Variants in SCNN1D observed in about 807,000 individuals in gnomAD.
SCNN1D encodes the protein epithelial sodium channel subunit delta.
In SCNN1D, 104 loss-of-function variants were observed where a neutral mutation model predicts 87.8. The ratio of observed to expected loss-of-function variants is 1.18; its 90% CI spans 1.01 to 1.39. The LOEUF is 1.39. Among genes scored for constraint, SCNN1D ranks in the 40% most tolerant of loss-of-function variants. SCNN1D has a pLI of 0.00. For missense variants in SCNN1D, 1,324 were observed against 1,093.9 expected, an observed-to-expected ratio of 1.21 and a Z score of -2.97; for synonymous variants, 628 against 481.2, an observed-to-expected ratio of 1.31 and a Z score of -3.99.
At position 1,291,346 on chromosome 1, in the gene SCNN1D, C is replaced by G. The variant is rs969238319; in HGVS notation, c.2145C>G (p.Leu715=). The stretch of plus-strand genomic sequence containing the variant: ...TCCTGGAGCTCCTGGAGCTGCTGCT[C>G]GATGCTTCTGCCCTCACCCTGGTGC... ...LSLLELLELL[L]DASALTLVLG... is the part of the protein sequence containing the mutation. The change falls in exon 18 of 18, where the codon CTC becomes CTG. Residue 715 remains leucine, a synonymous_variant. Transcript: ENST00000379116. 5.6e-6 allele frequency: 9 copies of G among 1,606,114 alleles called. No individual in the cohort carries two copies. Among genetic ancestry groups the G allele is most frequent in the Admixed American group, 1.7e-5 (1 of 59,034 alleles).
In SCNN1D at chr1:1,285,964, A is replaced by G. The variant is rs770060275; in HGVS notation, c.597A>G (p.Ser199=). 5.1e-6 allele frequency: 8 copies of G among 1,559,930 alleles called. No individual in the cohort carries two copies. The highest frequency in any genetic ancestry group is 1.8e-5 in the Admixed American group (1 of 54,768). The change falls in exon 7 of 18, where the codon TCA becomes TCG. Residue 199 remains serine, a synonymous_variant. Transcript: ENST00000379116. The part of the protein sequence containing the change: ...AQTPPRPGPP[S]APPPPPKEGH... Reference sequence around the variant, plus strand: ...CGCCCCCCAGGCCGGGGCCACCATCAGCACCACCACCACCACCCAAGGAGG... The same window carrying G: ...CGCCCCCCAGGCCGGGGCCACCATCGGCACCACCACCACCACCCAAGGAGG...
chr1:1,289,783 TCC>T (rs757348465), intron 12 of SCNN1D, among the ~76,000 whole-genome samples: 2 of 2,024 alleles, frequency 9.9e-4, no homozygotes, highest in African/African-American at 8.8e-3. Context: ...CTCTGCTCCG[TCC>T]CCCGTGTCCC....
At position 1,286,904 on chromosome 1, in the gene SCNN1D, C is replaced by T; in HGVS notation, c.1048C>T (p.His350Tyr). ...ATVPRHEPPF[H>Y]LDREIRLQRL... ...TGTCCCCCGCCACGAGCCCCCCTTC[C>T]ACCTGGACCGGGAGATCCGTCTGCA... Residue 350 changes from histidine (H) to tyrosine (Y), a missense_variant, in exon 8 of 18, where the codon CAC (histidine) becomes TAC (tyrosine). His to Tyr is a moderately conservative substitution (Grantham distance 83). Coordinates refer to ENST00000379116, the MANE Select transcript of SCNN1D (RefSeq NM_001130413.4). The T allele has an allele frequency of 6.2e-7, 1 of 1,612,636 alleles. No homozygotes were observed. The highest frequency in any genetic ancestry group is 8.5e-7 in the Non-Finnish European group (1 of 1,179,892).
In SCNN1D at chr1:1,280,614, G is replaced by A; in HGVS notation, c.-48G>A. On this transcript the variant is annotated 5_prime_UTR_variant, in exon 1 of 18. Coordinates refer to ENST00000379116, the MANE Select transcript of SCNN1D (RefSeq NM_001130413.4). ...ATAAATGCTTCTCATCAGACTCAAGGCCTGAGGTGATGCTGATGCTGTGCC... is the reference window on the plus strand; with the variant it reads ...ATAAATGCTTCTCATCAGACTCAAGACCTGAGGTGATGCTGATGCTGTGCC... 2 of 698,666 alleles carry A rather than the reference G, an allele frequency of 2.9e-6. No individual in the cohort carries two copies. The highest frequency in any genetic ancestry group is 5.2e-6 in the Non-Finnish European group (2 of 382,944). 43.3% of individuals were successfully genotyped at this position (698,666 alleles called of 1,614,324 possible). A position where few individuals can be genotyped will look rare whatever the true frequency, so the allele number is the denominator to read the frequency against.
In SCNN1D at chr1:1,290,953, G is replaced by A. The variant is rs1341925436; in HGVS notation, c.1976G>A (p.Arg659Lys). Residue 659 changes from arginine (R) to lysine (K), a missense_variant and splice_region_variant, in exon 16 of 18, where the codon AGG (arginine) becomes AAG (lysine). By Grantham distance (26) the Arg-to-Lys change is conservative. Coordinates refer to ENST00000379116, the MANE Select transcript of SCNN1D (RefSeq NM_001130413.4). Reference sequence around the variant, plus strand: ...CTGCCGCATCAGAGCCACAGACAGAGGTGGGTGCACCCTCCCCCTCCAGAG... The same window carrying A: ...CTGCCGCATCAGAGCCACAGACAGAAGTGGGTGCACCCTCCCCCTCCAGAG... The part of the protein sequence containing the change: ...QGLPHQSHRQ[R>K]SSLAKINIVY... 1 of 1,607,778 alleles carries A rather than the reference G, an allele frequency of 6.2e-7. No homozygotes were observed. Among genetic ancestry groups the A allele is most frequent in the South Asian group, 1.1e-5 (1 of 90,268 alleles).
rs910431243 is a variant in SCNN1D at position 1,287,987 on chromosome 1, G to A, written c.1612G>A (p.Gly538Arg). ...CCCCTACGGCCACTGCACCGCCGGC[G>A]GGGAAGGCGTGGAGGTGGAGCTGCT... ...GSPYGHCTAGGEGVEVELLHN... is the reference protein window; with the variant it reads ...GSPYGHCTAGREGVEVELLHN... The change falls in exon 12 of 18, where the codon GGG (glycine) becomes AGG (arginine). Residue 538 changes from glycine (G) to arginine (R), a missense_variant. Gly to Arg is a moderately radical substitution (Grantham distance 125). Coordinates refer to ENST00000379116, the MANE Select transcript of SCNN1D (RefSeq NM_001130413.4). 9.1e-6 allele frequency: 14 copies of A among 1,546,620 alleles called. No individual in the cohort carries two copies. The highest frequency in any genetic ancestry group is 3.9e-5 in the Admixed American group (2 of 50,742).
rs546774700 is a variant in SCNN1D at position 1,287,956 on chromosome 1, C to G, written c.1581C>G (p.Leu527=). The change falls in exon 12 of 18, where the codon CTC becomes CTG. Residue 527 remains leucine, a synonymous_variant. Coordinates refer to ENST00000379116, the MANE Select transcript of SCNN1D (RefSeq NM_001130413.4). ...CCTCCCAGGACGAGGTGCACCGGCT[C>G]GGGAGCCCCTACGGCCACTGCACCG... is the stretch of plus-strand genomic sequence containing the variant. ...ISIREDEVHR[L]GSPYGHCTAG... 2 of 1,545,152 alleles carry G rather than the reference C, an allele frequency of 1.3e-6. No homozygotes were observed. Among genetic ancestry groups the G allele is most frequent in the Admixed American group, 2.0e-5 (1 of 50,688 alleles).
intron 13 of SCNN1D, 42 bp downstream of exon 13, chr1:1,290,430 C>A: frequency 6.2e-7 from 1 of 1,610,648 alleles, no homozygotes; most frequent in Non-Finnish European, 8.5e-7. Flanking sequence ...AGCCATTAGC[C>A]GGGGGGTCAC....
intron 13 of SCNN1D, 34 bp from the exon 14 acceptor site, chr1:1,290,443 C>A (rs750728408): frequency 1.2e-6 from 2 of 1,611,174 alleles, no homozygotes; most frequent in African/African-American, 2.7e-5. Context: ...GGGGTCACAG[C>A]GAGCCTCACA....
chr1:1,287,530 C>A lies in SCNN1D; in HGVS notation c.1333C>A (p.Pro445Thr). ...CAGACAGTTCCGGACCTTCCACCACCCCACCTACGGCAGCTGCTACACGGT... is the reference window on the plus strand; with the variant it reads ...CAGACAGTTCCGGACCTTCCACCACACCACCTACGGCAGCTGCTACACGGT... Reference protein sequence around the residue: ...QARQFRTFHHPTYGSCYTVDG... With the variant: ...QARQFRTFHHTTYGSCYTVDG... Residue 445 changes from proline to threonine, a missense_variant, in exon 10 of 18, where the codon CCC becomes ACC. By Grantham distance (38) the Pro-to-Thr change is conservative. Coordinates refer to ENST00000379116, the MANE Select transcript of SCNN1D (RefSeq NM_001130413.4). 1 of 1,529,362 alleles carries A rather than the reference C, an allele frequency of 6.5e-7. No individual in the cohort carries two copies. The highest frequency in any genetic ancestry group is 8.8e-7 in the Non-Finnish European group (1 of 1,136,428). 94.7% of individuals were successfully genotyped at this position (1,529,362 alleles called of 1,614,324 possible).
intron 4 of SCNN1D, among the ~76,000 whole-genome samples, chr1:1,283,075 C>T (rs533089561): frequency 1.3e-5 from 2 of 152,182 alleles, no homozygotes; most frequent in South Asian, 4.2e-4. Flanking sequence ...TCCATGTGTG[C>T]CAGCATCTTG....
rs763728996 is a variant in SCNN1D, at chr1:1,286,831, C to T, written c.975C>T (p.Ser325=). Residue 325 remains serine (S), a synonymous_variant, in exon 8 of 18, where the codon TCC becomes TCT. Coordinates refer to ENST00000379116, the MANE Select transcript of SCNN1D (RefSeq NM_001130413.4). ...LDEFARENID[S]LYNVNLSKGR... ...AGTTTGCCAGGGAGAACATTGACTC[C>T]CTGTACAACGTCAACCTCAGCAAAG... The T allele has an allele frequency of 6.2e-7, 1 of 1,612,676 alleles. No individual in the cohort carries two copies.
rs767877549 is a variant in SCNN1D, at chr1:1,281,253, G to A, written c.33G>A (p.Pro11=). The A allele has an allele frequency of 2.2e-5, 34 of 1,535,600 alleles. No homozygotes were observed. The East Asian group carries it at 3.9e-4, about 18-fold the overall frequency. The change falls in exon 2 of 18, where the codon CCG becomes CCA. Residue 11 remains proline, a synonymous_variant. Transcript: ENST00000379116. MRAVLSQKTT[P]LPRYLWPGHL... is the part of the protein sequence containing the mutation. ...CAGTGCTGTCACAGAAGACAACACC[G>A]CTCCCTCGTTACCTGTGGCCCGGCC...
At chr1:1,285,707 C>T (rs534322609) in intron 6 of SCNN1D, 43 bp downstream of exon 6, 2 of 1,442,952 alleles carry the variant, frequency 1.4e-6, no homozygotes, top group African/African-American at 2.9e-5. Context: ...GCTGCCCCAG[C>T]AGCCCAAACT....
In SCNN1D at chr1:1,285,844, T is replaced by C; in HGVS notation, c.559-82T>C. 5 of 1,392,664 alleles carry C rather than the reference T, an allele frequency of 3.6e-6. No individual in the cohort carries two copies. The East Asian group carries it at 9.5e-5, about 26-fold the overall frequency. The allele number at this position is 1,392,664 out of a possible 1,614,324, so 86.3% of individuals were successfully genotyped here. On this transcript the variant is annotated intron_variant, in intron 6 of 17. Coordinates refer to ENST00000379116, the MANE Select transcript of SCNN1D (RefSeq NM_001130413.4). ...CCGAGCAGGTAGGGCGGGGCACTGGTGGCTGACAGACATGACAGGCCCAGG... is the reference window on the plus strand; with the variant it reads ...CCGAGCAGGTAGGGCGGGGCACTGGCGGCTGACAGACATGACAGGCCCAGG...
intron 9 of SCNN1D, 25 bp from the exon 10 acceptor site, chr1:1,287,483 G>A (rs1317115816): frequency 1.3e-6 from 2 of 1,516,050 alleles, no homozygotes; most frequent in Non-Finnish European, 1.8e-6. Flanking sequence ...GACATTCAAG[G>A]TCTGAGCTTG....
intron 5 of SCNN1D, 25 bp from the exon 6 acceptor site, chr1:1,285,546 C>T (rs888665826): frequency 9.6e-6 from 14 of 1,456,510 alleles, no homozygotes; most frequent in Middle Eastern, 2.0e-4. Flanking sequence ...CGCATGGACA[C>T]GCTACCGTAC....
In SCNN1D at chr1:1,290,333, C is replaced by T; in HGVS notation, c.1725C>T (p.Leu575=). The change falls in exon 13 of 18, where the codon CTC becomes CTT. Residue 575 remains leucine (L), a synonymous_variant. Coordinates refer to ENST00000379116, the MANE Select transcript of SCNN1D (RefSeq NM_001130413.4). ...MVETCSCGYY[L]HPLPAGAEYC... is the part of the protein sequence containing the mutation. ...AGACCTGCTCCTGTGGCTACTACCT[C>T]CACCCTCTGCCGGCGGGGGCTGAGT... 6.3e-7 allele frequency: 1 copy of T among 1,595,974 alleles called. No homozygotes were observed. The highest frequency in any genetic ancestry group is 8.5e-7 in the Non-Finnish European group (1 of 1,169,648).
intron 3 of SCNN1D, 141 bp from the exon 4 acceptor site, chr1:1,282,101 G>A (rs1300068389): frequency 3.1e-6 from 2 of 643,002 alleles, no homozygotes; most frequent in Non-Finnish European, 5.7e-6. Flanking sequence ...GACCTGTGGG[G>A]TCTCTGTGAC....
Sources: gnomAD v4.1 joint callset for allele counts (sites outside exome capture counted in the v4.1 genomes callset) on GRCh38, gnomAD v4.1.1 for gene constraint, MANE v1.5 for transcripts, NCBI Gene and HGNC (gene_info 2026-07-23, HGNC 2026-07-21) for gene names.